PIEZO2: variants seen among roughly 807,000 people sequenced by gnomAD.
The protein encoded by PIEZO2 is piezo type mechanosensitive ion channel component 2.
In PIEZO2, 172 loss-of-function variants were observed where a neutral mutation model predicts 337.3. The ratio of observed to expected loss-of-function variants is 0.51; its 90% confidence interval spans 0.45 to 0.58. PIEZO2 has a LOEUF of 0.58. Ranked by LOEUF, PIEZO2 falls within the 20% of genes least tolerant of loss-of-function variation. The pLI, the probability that PIEZO2 is intolerant of heterozygous loss-of-function variation, is 0.00. For synonymous variants in PIEZO2, 1,251 were observed against 1,228.5 expected (o/e 1.02, Z -0.38); for missense variants, 3,028 against 3,391.3 (o/e 0.89, Z 2.66).
chr18:10,704,677 T>C, intron 41 of PIEZO2, 25 bp from the exon 42 acceptor site: 1 of 1,526,146 alleles, frequency 6.6e-7, no homozygotes, highest in Non-Finnish European at 8.8e-7. Flanking sequence ...CACATGATAA[T>C]ATGTCTATTT....
At position 11,126,491 on chromosome 18, in the gene PIEZO2, T is replaced by G. The variant is rs998143395; in HGVS notation, c.64+22034A>C. On this transcript the variant is annotated intron_variant, in intron 1 of 55. Coordinates refer to ENST00000674853, the MANE Select transcript of PIEZO2 (RefSeq NM_001378183.1). This position sits in a 1 kb window ranked among gnomAD's most constrained non-coding sequence, Gnocchi z 4.6. ...CTTTAGTGCCAGTTTCTTGGTCATCTCCCGCCATCATTCAAAATACTCCAA... is the reference window on the plus strand; with the variant it reads ...CTTTAGTGCCAGTTTCTTGGTCATCGCCCGCCATCATTCAAAATACTCCAA... Among the ~76,000 whole-genome samples, 2 of 152,058 alleles carry G rather than the reference T, an allele frequency of 1.3e-5. No individual in the cohort carries two copies. The highest frequency in any genetic ancestry group is 2.9e-5 in the Non-Finnish European group (2 of 68,014).
rs914454563 is a variant in PIEZO2 at position 11,111,263 on chromosome 18, TG to T, written c.64+37261del. Among the ~76,000 whole-genome samples the T allele has an allele frequency of 2.0e-5, 3 of 152,164 alleles. No individual in the cohort carries two copies. The highest frequency in any genetic ancestry group is 7.2e-5 in the African/African-American group (3 of 41,442). On this transcript the variant is annotated intron_variant, in intron 1 of 55. Transcript: ENST00000674853. The surrounding 1 kb of genome is among the most constrained non-coding windows in gnomAD (Gnocchi z 6.2). ...TCTCTGGGGTCTGTGAGAACTTCCCTGGCCTTCGTTTCCCATCCCTTTCAAC... is the reference window on the plus strand; with the variant it reads ...TCTCTGGGGTCTGTGAGAACTTCCCTGCCTTCGTTTCCCATCCCTTTCAAC...
chr18:11,072,845 G>T (rs1021222173), intron 1 of PIEZO2, among the ~76,000 whole-genome samples: 7 of 152,124 alleles, frequency 4.6e-5, no homozygotes, highest in African/African-American at 1.7e-4. Context: ...TAAGGTCAAG[G>T]CCGGGCTAGG....
At chr18:10,928,693 T>C (rs1204591676) in intron 3 of PIEZO2, among the ~76,000 whole-genome samples, 1 of 152,226 alleles carries the variant, frequency 6.6e-6, no homozygotes, top group African/African-American at 2.4e-5. Context: ...TTTTTCTGGA[T>C]CTAACATTAT....
intron 7 of PIEZO2, among the ~76,000 whole-genome samples, chr18:10,811,216 G>A (rs189232238): frequency 3.2e-4 from 49 of 152,174 alleles, no homozygotes; most frequent in Middle Eastern, 3.4e-3. Context: ...CACCATCGCC[G>A]GGAAATGTCT....
chr18:10,975,584 A>T (rs1296051343), intron 3 of PIEZO2, among the ~76,000 whole-genome samples: 1 of 152,130 alleles, frequency 6.6e-6, no homozygotes, highest in Non-Finnish European at 1.5e-5. Flanking sequence ...GGTTTGAAAA[A>T]ATCTTTATTA....
intron 36 of PIEZO2, among the ~76,000 whole-genome samples, chr18:10,721,958 A>T (rs1293831925): frequency 1.3e-5 from 2 of 152,094 alleles, no homozygotes; most frequent in Admixed American, 1.3e-4. Context: ...GATCTAGACC[A>T]TCCTGGCCAA....
At chr18:10,699,502 G>C (rs1223473849) in intron 43 of PIEZO2, among the ~76,000 whole-genome samples, 1 of 152,132 alleles carries the variant, frequency 6.6e-6, no homozygotes, top group East Asian at 1.9e-4. Flanking sequence ...CAAGTAAGAT[G>C]TGACTTGCTC....
rs147340633 is a variant in PIEZO2, at chr18:10,766,673, C to A, written c.2946+3475G>T. On this transcript the variant is annotated intron_variant, in intron 21 of 55. Transcript: ENST00000674853. The surrounding 1 kb of genome is among the most constrained non-coding windows in gnomAD (Gnocchi z 6.1). ...AGTTGCAACTATCACCTCCAGGCTG[C>A]AACCGCCTGCAAGAGATACTCCTCC... Among the ~76,000 whole-genome samples the A allele has an allele frequency of 6.6e-6, 1 of 152,314 alleles. No individual in the cohort carries two copies. The highest frequency in any genetic ancestry group is 2.4e-5 in the African/African-American group (1 of 41,572).
Position 10,986,845 on chromosome 18 carries a change from A to G in PIEZO2, c.161-7185T>C, listed in dbSNP as rs188910534. Among the ~76,000 whole-genome samples the G allele has an allele frequency of 7.5e-3, 1,139 of 152,176 alleles. 44 individuals are homozygous for G. Among genetic ancestry groups the G allele is most frequent in the Admixed American group, 0.07 (1,067 of 15,272 alleles). On this transcript the variant is annotated intron_variant, in intron 2 of 55. Transcript: ENST00000674853. ...CTAAAAATCTACCAAAAAAACTATTAGAACTAATAAACTCAGTAAAACAGC... is the reference window on the plus strand; with the variant it reads ...CTAAAAATCTACCAAAAAAACTATTGGAACTAATAAACTCAGTAAAACAGC...
chr18:10,926,438 T>C (rs1220997630), intron 3 of PIEZO2, among the ~76,000 whole-genome samples: 2 of 152,190 alleles, frequency 1.3e-5, no homozygotes, highest in African/African-American at 2.4e-5. Context: ...TCTTAGCAGC[T>C]GGACGGGCTC....
rs146989879 is a variant in PIEZO2 at position 10,826,266 on chromosome 18, C to T, written c.918-18992G>A. On this transcript the variant is annotated intron_variant, in intron 7 of 55. Transcript: ENST00000674853. Reference sequence around the variant, plus strand: ...GAACAAGAAAATATGTGTGCATATACGCAGATATAGAAATATTTATCCATA... The same window carrying T: ...GAACAAGAAAATATGTGTGCATATATGCAGATATAGAAATATTTATCCATA... Among the ~76,000 whole-genome samples, 315 of 152,214 alleles carry T rather than the reference C, an allele frequency of 2.1e-3. 2 individuals are homozygous for T. The highest frequency in any genetic ancestry group is 4.3e-3 in the Admixed American group (65 of 15,292).
chr18:10,786,814 T>C (rs1227457987), intron 16 of PIEZO2, among the ~76,000 whole-genome samples: 1 of 152,082 alleles, frequency 6.6e-6, no homozygotes, highest in African/African-American at 2.4e-5. Context: ...TTAGAAAATG[T>C]CATTTCATTA....
At chr18:10,674,710 C>T (rs2033917415) in intron 54 of PIEZO2, among the ~76,000 whole-genome samples, 1 of 152,242 alleles carries the variant, frequency 6.6e-6, no homozygotes, top group Non-Finnish European at 1.5e-5. Flanking sequence ...TGAAGTCAAG[C>T]AATTCTTGAT....
At chr18:10,844,456 T>C (rs1156914228) in intron 7 of PIEZO2, among the ~76,000 whole-genome samples, 1 of 90,796 alleles carries the variant, frequency 1.1e-5, no homozygotes, top group Non-Finnish European at 2.5e-5. Flanking sequence ...AAAATAAAGG[T>C]GGCTTTTCTG....
intron 1 of PIEZO2, among the ~76,000 whole-genome samples, chr18:11,086,142 T>C (rs1273654914): frequency 6.6e-6 from 1 of 152,090 alleles, no homozygotes; most frequent in Non-Finnish European, 1.5e-5. Flanking sequence ...ATATTAAAAT[T>C]ATTGGTGTCA....
rs552287873 is a variant in PIEZO2, at chr18:10,846,733, G to T, written c.917+8620C>A. Among the ~76,000 whole-genome samples the T allele has an allele frequency of 6.6e-6, 1 of 152,238 alleles. No individual in the cohort carries two copies. The highest frequency in any genetic ancestry group is 2.1e-4 in the South Asian group (1 of 4,814). ...TCCTTCCTTATAAAGGAAGATGGAA[G>T]GTTCTGGAAGGAGGTGCATGGGTAG... is the stretch of plus-strand genomic sequence containing the variant. On this transcript the variant is annotated intron_variant, in intron 7 of 55. Coordinates refer to ENST00000674853, the MANE Select transcript of PIEZO2 (RefSeq NM_001378183.1). This position sits in a 1 kb window ranked among gnomAD's most constrained non-coding sequence, Gnocchi z 4.1.
rs904242123 is a variant in PIEZO2, at chr18:11,126,438, G to A, written c.64+22087C>T. Among the ~76,000 whole-genome samples the A allele has an allele frequency of 3.3e-5, 5 of 152,126 alleles. No homozygotes were observed. The East Asian group carries it at 9.7e-4, about 29-fold the overall frequency. On this transcript the variant is annotated intron_variant, in intron 1 of 55. Transcript: ENST00000674853. The surrounding 1 kb of genome is among the most constrained non-coding windows in gnomAD (Gnocchi z 4.6). ...TTACTGTCCCCTAGGCCTGGTAAAGGGCACTCCTCACACAGTCCTCTTCCC... is the reference window on the plus strand; with the variant it reads ...TTACTGTCCCCTAGGCCTGGTAAAGAGCACTCCTCACACAGTCCTCTTCCC...
chr18:10,788,961 C>A (rs897005977), intron 15 of PIEZO2, 118 bp downstream of exon 15: 11 of 1,170,642 alleles, frequency 9.4e-6, no homozygotes, highest in Non-Finnish European at 1.3e-5. Context: ...ATGTTTGAAT[C>A]TTGCCAATCA....
Sources: gnomAD v4.1 joint callset for allele counts (sites outside exome capture counted in the v4.1 genomes callset) on GRCh38, gnomAD v4.1.1 for gene constraint, Gnocchi (gnomAD v3.1) non-coding constraint, MANE v1.5 for transcripts, NCBI Gene and HGNC (gene_info 2026-07-23, HGNC 2026-07-21) for gene names.